Variants in EMSY observed in about 807,000 individuals in gnomAD.
EMSY encodes BRCA2-interacting transcriptional repressor EMSY.
In EMSY, 26 loss-of-function variants were observed where a neutral mutation model predicts 134.6. The ratio of observed to expected loss-of-function variants is 0.19; its 90% confidence interval spans 0.14 to 0.27. EMSY has a LOEUF of 0.27. EMSY is among the 10% of genes least tolerant of loss of function. The pLI, the probability that EMSY is intolerant of heterozygous loss-of-function variation, is 1.00. For missense variants in EMSY, 1,305 were observed against 1,611.4 expected (o/e 0.81, Z 3.26); for synonymous variants, 579 against 577.8 (o/e 1.00, Z -0.03).
At chr11:76,551,282 G>A (rs1280221221) in exon 21 of EMSY, 1 of 152,672 alleles carries the variant, frequency 6.5e-6, no homozygotes, top group African/African-American at 2.4e-5. Context: ...GTTTTGACAA[G>A]TTGTGGCAAA....
At chr11:76,470,912 CTCTG>C (rs1281603938) in intron 7 of EMSY, among the ~76,000 whole-genome samples, 1 of 152,086 alleles carries the variant, frequency 6.6e-6, no homozygotes, top group African/African-American at 2.4e-5. Flanking sequence ...ATACTATTCT[CTCTG>C]TCTGGAATGA....
chr11:76,508,688 A>G (rs1950168295), intron 9 of EMSY, among the ~76,000 whole-genome samples: 1 of 152,254 alleles, frequency 6.6e-6, no homozygotes, highest in Non-Finnish European at 1.5e-5. Flanking sequence ...TGTTTAGTGT[A>G]GCCACCTTCA....
intron 8 of EMSY, among the ~76,000 whole-genome samples, chr11:76,492,583 A>T (rs1229014543): frequency 6.6e-6 from 1 of 152,242 alleles, no homozygotes; most frequent in African/African-American, 2.4e-5. Context: ...AATCACAGTG[A>T]TGGCAGCGGT....
intron 5 of EMSY, chr11:76,458,847 A>G (rs531739681): frequency 1.3e-5 from 2 of 152,540 alleles, no homozygotes; most frequent in East Asian, 3.9e-4. Context: ...CTAGTAATTG[A>G]CACATGCTTT....
intron 13 of EMSY, among the ~76,000 whole-genome samples, chr11:76,527,915 C>G (rs1246744097): frequency 6.6e-6 from 1 of 152,106 alleles, no homozygotes; most frequent in Non-Finnish European, 1.5e-5. Context: ...CACTGGGAAT[C>G]TAGACTCCTT....
In EMSY at chr11:76,523,142, C is replaced by T. The variant is rs1294482314; in HGVS notation, c.1685-13C>T. ...CCTTAACTCAGGCCTCCTTTTCTTC[C>T]CCCTTTTCTAAGGAACGACTACCAA... On this transcript the variant is annotated splice_polypyrimidine_tract_variant and intron_variant, in intron 11 of 20. Transcript: ENST00000334736. The T allele has an allele frequency of 3.7e-6, 6 of 1,601,362 alleles. No individual in the cohort carries two copies. In the East Asian group the frequency reaches 1.1e-4, roughly 30 times the overall value.
intron 1 of EMSY, among the ~76,000 whole-genome samples, chr11:76,446,500 A>C (rs1221262055): frequency 6.6e-6 from 1 of 152,176 alleles, no homozygotes; most frequent in Non-Finnish European, 1.5e-5. Flanking sequence ...ACAGGAGTCA[A>C]CTTGCCCCAG....
exon 10 of EMSY, chr11:76,513,512 C>T: frequency 6.2e-7 from 1 of 1,613,374 alleles, no homozygotes; most frequent in Non-Finnish European, 8.5e-7. Context: ...ATTATGACAA[C>T]TAAACTGGTA....
intron 7 of EMSY, among the ~76,000 whole-genome samples, chr11:76,470,282 A>T (rs1485895136): frequency 1.3e-5 from 2 of 152,190 alleles, no homozygotes; most frequent in African/African-American, 4.8e-5. Flanking sequence ...TTTCATTTAA[A>T]GAGGAAGGAG....
chr11:76,503,109 T>G (rs1738188123), intron 9 of EMSY, among the ~76,000 whole-genome samples: 1 of 151,960 alleles, frequency 6.6e-6, no homozygotes, highest in African/African-American at 2.4e-5. Flanking sequence ...GACATCAGAC[T>G]GGCCAACATG....
At chr11:76,512,074 A>C (rs1322854306) in intron 9 of EMSY, among the ~76,000 whole-genome samples, 1 of 152,216 alleles carries the variant, frequency 6.6e-6, no homozygotes, top group Non-Finnish European at 1.5e-5. Flanking sequence ...CTAATGTCTT[A>C]ACCTAAATCA....
chr11:76,531,194 G>A (rs1353265766), intron 14 of EMSY, among the ~76,000 whole-genome samples: 1 of 151,990 alleles, frequency 6.6e-6, no homozygotes, highest in Non-Finnish European at 1.5e-5. Flanking sequence ...TTATGACTAA[G>A]ATACAGTTAT....
At chr11:76,464,375 GA>G (rs1948264535) in intron 7 of EMSY, among the ~76,000 whole-genome samples, 1 of 152,092 alleles carries the variant, frequency 6.6e-6, no homozygotes, top group South Asian at 2.1e-4. Context: ...ATTTAAAATA[GA>G]AAAAAATTTT....
chr11:76,520,618 TA>T (rs1025166381), intron 11 of EMSY, among the ~76,000 whole-genome samples: 21 of 152,312 alleles, frequency 1.4e-4, no homozygotes, highest in African/African-American at 5.1e-4. Context: ...GTTCATAGAT[TA>T]AAATGCTCTT....
chr11:76,496,586 T>G (rs1397788020), intron 9 of EMSY, 117 bp downstream of exon 10: 2 of 1,171,778 alleles, frequency 1.7e-6, no homozygotes, highest in Non-Finnish European at 2.5e-6. Context: ...GACTTTTTCA[T>G]CAGTGTTTTA....
chr11:76,545,551 T>C (rs1296938807), intron 19 of EMSY, among the ~76,000 whole-genome samples: 1 of 152,214 alleles, frequency 6.6e-6, no homozygotes, highest in East Asian at 1.9e-4. Context: ...CTGAGACTAC[T>C]TTTTTCTTTA....
At chr11:76,478,026 C>A (rs1436290041) in intron 8 of EMSY, among the ~76,000 whole-genome samples, 1 of 152,174 alleles carries the variant, frequency 6.6e-6, no homozygotes, top group African/African-American at 2.4e-5. Flanking sequence ...CAAGTTACTT[C>A]CAATTACGTT....
At chr11:76,543,214 T>G (rs1591023634) in intron 18 of EMSY, among the ~76,000 whole-genome samples, 1 of 152,158 alleles carries the variant, frequency 6.6e-6, no homozygotes, top group African/African-American at 2.4e-5. Flanking sequence ...TCACCATCAC[T>G]CACATGATGA....
At chr11:76,519,535 C>T (rs1279006231) in intron 11 of EMSY, among the ~76,000 whole-genome samples, 3 of 152,148 alleles carry the variant, frequency 2.0e-5, no homozygotes, top group African/African-American at 7.2e-5. Context: ...CCTGTGACAA[C>T]AGCAAAACTT....
Sources: allele counts gnomAD v4.1 joint callset (sites outside exome capture counted in the v4.1 genomes callset), GRCh38; gene constraint gnomAD v4.1.1; transcripts MANE v1.5; gene names NCBI Gene and HGNC (gene_info 2026-07-23, HGNC 2026-07-21).